Variants in COBL observed in about 807,000 individuals in gnomAD.
COBL encodes cordon-bleu WH2 repeat protein.
A neutral mutation model predicts 98.8 loss-of-function variants in COBL; 51 were observed. The ratio of observed to expected loss-of-function variants is 0.52; its 90% CI spans 0.41 to 0.65. The LOEUF is 0.65. Among genes scored for constraint, COBL ranks in the 30% least tolerant of loss-of-function variants. The pLI, the probability that COBL is intolerant of heterozygous loss-of-function variation, is 0.00. For missense variants in COBL, 1,617 were observed against 1,617.5 expected (o/e 1.00, Z 0.01); for synonymous variants, 634 against 651.7 (o/e 0.97, Z 0.41).
chr7:51,273,976 G>C (rs545106471), intron 1 of COBL, among the ~76,000 whole-genome samples: 1 of 152,034 alleles, frequency 6.6e-6, no homozygotes, highest in Non-Finnish European at 1.5e-5. Flanking sequence ...CATCAAATGC[G>C]ATCTTCTTCA....
chr7:51,066,250 C>A (rs947967845), intron 7 of COBL, among the ~76,000 whole-genome samples: 4 of 152,190 alleles, frequency 2.6e-5, no homozygotes, highest in Non-Finnish European at 5.9e-5. Flanking sequence ...TTTTGTGCAG[C>A]CCCATACTTG....
intron 7 of COBL, among the ~76,000 whole-genome samples, chr7:51,053,592 G>A (rs1461415549): frequency 6.6e-6 from 1 of 152,248 alleles, no homozygotes; most frequent in Non-Finnish European, 1.5e-5. Context: ...CTGAAGAACA[G>A]ACAATATTAC....
intron 1 of COBL, among the ~76,000 whole-genome samples, chr7:51,262,834 C>T (rs746078861): frequency 1.9e-4 from 29 of 152,254 alleles, no homozygotes; most frequent in African/African-American, 3.1e-4. Flanking sequence ...TCACTGCCCA[C>T]GCCCTACCAG....
intron 5 of COBL, among the ~76,000 whole-genome samples, chr7:51,140,424 AC>A (rs1029790518): frequency 6.6e-6 from 1 of 152,176 alleles, no homozygotes; most frequent in Non-Finnish European, 1.5e-5. Context: ...GAGGAAGCTA[AC>A]CGTTTCCAGA....
intron 6 of COBL, among the ~76,000 whole-genome samples, chr7:51,094,647 C>A (rs377568700): frequency 6.6e-6 from 1 of 152,174 alleles, no homozygotes; most frequent in South Asian, 2.1e-4. Context: ...GGAAAGGACA[C>A]TAGTTAGCAA....
chr7:51,036,366 A>G (rs958281671), intron 8 of COBL, among the ~76,000 whole-genome samples: 1 of 130,984 alleles, frequency 7.6e-6, no homozygotes, highest in African/African-American at 2.9e-5. Flanking sequence ...AAAAAAAAAA[A>G]GCATAGTATT....
At chr7:51,162,198 G>A (rs115016429) in intron 5 of COBL, among the ~76,000 whole-genome samples, 7 of 152,302 alleles carry the variant, frequency 4.6e-5, no homozygotes, top group Non-Finnish European at 7.4e-5. Flanking sequence ...CACAGGCTGA[G>A]TTTGAGGAAA....
chr7:51,101,574 T>TGATA (rs1795808609), intron 6 of COBL, among the ~76,000 whole-genome samples: 1 of 152,218 alleles, frequency 6.6e-6, no homozygotes, highest in East Asian at 1.9e-4. Context: ...AGCCTCAGGC[T>TGATA]GATAGGTCAG....
At chr7:51,059,443 C>T (rs1322709854) in intron 7 of COBL, among the ~76,000 whole-genome samples, 1 of 152,074 alleles carries the variant, frequency 6.6e-6, no homozygotes, top group Non-Finnish European at 1.5e-5. Flanking sequence ...CATTAGTGGT[C>T]ATGATCTTTA....
intron 1 of COBL, among the ~76,000 whole-genome samples, chr7:51,244,758 C>G (rs1796136692): frequency 6.6e-6 from 1 of 152,146 alleles, no homozygotes; most frequent in South Asian, 2.1e-4. Context: ...TTGCTCTCAG[C>G]CCCATTATAT....
intron 3 of COBL, 129 bp from the exon 4 acceptor site, chr7:51,191,207 T>G (rs1790087903): frequency 2.7e-6 from 2 of 727,982 alleles, no homozygotes; most frequent in Admixed American, 4.5e-5. Flanking sequence ...ACAAATTGAG[T>G]GAGTAATGGG....
chr7:51,235,668 C>T (rs1321259159), intron 1 of COBL, among the ~76,000 whole-genome samples: 1 of 152,184 alleles, frequency 6.6e-6, no homozygotes, highest in Non-Finnish European at 1.5e-5. Flanking sequence ...ATTGGCTGGA[C>T]AAAACCCTGC....
At chr7:51,067,969 C>T (rs1562868171) in intron 7 of COBL, among the ~76,000 whole-genome samples, 2 of 152,188 alleles carry the variant, frequency 1.3e-5, no homozygotes, top group African/African-American at 4.8e-5. Flanking sequence ...GGTCAGTGGG[C>T]AGCTGGCCAC....
At chr7:51,309,014 C>G (rs1430198860) in intron 1 of COBL, among the ~76,000 whole-genome samples, 1 of 152,114 alleles carries the variant, frequency 6.6e-6, no homozygotes, top group Non-Finnish European at 1.5e-5. Flanking sequence ...TTCAGAAAGG[C>G]CAGAAACTGT....
At position 51,291,979 on chromosome 7, in the gene COBL, T is replaced by C. The variant is rs995557236; in HGVS notation, c.41+24614A>G. Reference sequence around the variant, plus strand: ...GAGCTGTGGACCAGCCTGACCAACATGGTGAAACCCTGTCTCTACTGAAAA... The same window carrying C: ...GAGCTGTGGACCAGCCTGACCAACACGGTGAAACCCTGTCTCTACTGAAAA... On this transcript the variant is annotated intron_variant, in intron 1 of 12. Coordinates refer to ENST00000265136, the MANE Select transcript of COBL (RefSeq NM_015198.5). Among the ~76,000 whole-genome samples, 4 of 151,962 alleles carry C rather than the reference T, an allele frequency of 2.6e-5. No individual in the cohort carries two copies. The East Asian group carries it at 5.8e-4, about 22-fold the overall frequency.
At chr7:51,113,120 G>A (rs1231422018) in intron 6 of COBL, among the ~76,000 whole-genome samples, 2 of 152,132 alleles carry the variant, frequency 1.3e-5, no homozygotes, top group Non-Finnish European at 1.5e-5. Flanking sequence ...CACATCCAGG[G>A]AATAGACTTC....
Position 51,090,202 on chromosome 7 carries a change from G to A in COBL, c.958-4898C>T, listed in dbSNP as rs746444506. ...ATGAAGAAGTGATGTTGACTAGATAGCAGAAAAGGAAGCCCCGCACCTCAG... is the reference window on the plus strand; with the variant it reads ...ATGAAGAAGTGATGTTGACTAGATAACAGAAAAGGAAGCCCCGCACCTCAG... On this transcript the variant is annotated intron_variant, in intron 6 of 12. Coordinates refer to ENST00000265136, the MANE Select transcript of COBL (RefSeq NM_015198.5). Among the ~76,000 whole-genome samples, 7 of 152,106 alleles carry A rather than the reference G, an allele frequency of 4.6e-5. No homozygotes were observed. The South Asian group carries it at 6.2e-4, about 14-fold the overall frequency.
At chr7:51,276,933 T>C (rs1799360906) in intron 1 of COBL, among the ~76,000 whole-genome samples, 1 of 151,890 alleles carries the variant, frequency 6.6e-6, no homozygotes. Flanking sequence ...AGAGGTGAAA[T>C]GTAGGAGAGG....
chr7:51,206,385 G>A (rs886316154), intron 2 of COBL, among the ~76,000 whole-genome samples: 9 of 151,816 alleles, frequency 5.9e-5, no homozygotes, highest in Admixed American at 1.3e-4. Context: ...CCAGCTACTC[G>A]GAAGGCTGAG....
Sources: gnomAD v4.1 joint callset for allele counts (sites outside exome capture counted in the v4.1 genomes callset) on GRCh38, gnomAD v4.1.1 for gene constraint, MANE v1.5 for transcripts, NCBI Gene and HGNC (gene_info 2026-07-23, HGNC 2026-07-21) for gene names.